FAM227B: variants seen among roughly 807,000 people sequenced by gnomAD.
The protein encoded by FAM227B is family with sequence similarity 227 member B, also known as protein FAM227B.
Under a neutral mutation model 73.8 loss-of-function variants are expected in FAM227B, and 88 were observed. That is an observed-to-expected ratio of 1.19 (90% CI 1.00 to 1.42). The LOEUF (loss-of-function observed/expected upper bound fraction) is 1.42. Among genes scored for constraint, FAM227B ranks in the 40% most tolerant of loss-of-function variants. The pLI is 0.00. For synonymous variants in FAM227B, 210 were observed against 190.5 expected, an observed-to-expected ratio of 1.10 and a Z score of -0.84; for missense variants, 632 against 590.9, an observed-to-expected ratio of 1.07 and a Z score of -0.72.
chr15:49,369,051 C>A (rs1051512574), intron 12 of FAM227B, among the ~76,000 whole-genome samples: 1 of 152,118 alleles, frequency 6.6e-6, no homozygotes, highest in Non-Finnish European at 1.5e-5. Context: ...CTCTGCCTCC[C>A]GGGTTCACGC....
chr15:49,555,111 C>A (rs2073506326), intron 9 of FAM227B, among the ~76,000 whole-genome samples: 1 of 152,170 alleles, frequency 6.6e-6, no homozygotes, highest in Non-Finnish European at 1.5e-5. Context: ...AGATTTAATG[C>A]AGTCATTGTG....
chr15:49,363,408 G>C (rs771738965), intron 13 of FAM227B, among the ~76,000 whole-genome samples: 12 of 152,102 alleles, frequency 7.9e-5, no homozygotes, highest in Non-Finnish European at 1.6e-4. Flanking sequence ...TTGCAGACTT[G>C]ATTTGATTCT....
chr15:49,536,468 G>A (rs532509109), intron 10 of FAM227B, among the ~76,000 whole-genome samples: 29 of 151,692 alleles, frequency 1.9e-4, no homozygotes, highest in Non-Finnish European at 4.0e-4. Flanking sequence ...GAATCAATAT[G>A]GTTAATATGT....
chr15:49,327,903 C>G lies in FAM227B; in HGVS notation c.*665G>C, dbSNP rs1232945955. The stretch of plus-strand genomic sequence containing the variant: ...TGTTCTACAAACACCAAGCAAATCC[C>G]TTGTATTTTCATTTATAGGTTCTAA... On this transcript the variant is annotated 3_prime_UTR_variant, in exon 16 of 16. Coordinates refer to ENST00000299338, the MANE Select transcript of FAM227B (RefSeq NM_152647.3). The G allele has an allele frequency of 1.3e-6, 2 of 1,557,680 alleles. No individual in the cohort carries two copies. Among genetic ancestry groups the G allele is most frequent in the Non-Finnish European group, 1.7e-6 (2 of 1,143,772 alleles).
intron 13 of FAM227B, among the ~76,000 whole-genome samples, chr15:49,359,001 TTAATAAA>T (rs2043695173): frequency 6.6e-6 from 1 of 151,748 alleles, no homozygotes; most frequent in Admixed American, 6.6e-5. Context: ...GATTCCCTAT[TTAATAAA>T]TGGTGCTGGG....
chr15:49,618,119 G>A (rs1249765551), intron 1 of FAM227B, among the ~76,000 whole-genome samples: 1 of 152,054 alleles, frequency 6.6e-6, no homozygotes, highest in Non-Finnish European at 1.5e-5. Context: ...AGTTCCTTTT[G>A]CCATATAAAA....
chr15:49,542,863 C>A (rs1344192729), intron 9 of FAM227B, among the ~76,000 whole-genome samples: 1 of 151,542 alleles, frequency 6.6e-6, no homozygotes, highest in African/African-American at 2.4e-5. Flanking sequence ...ATAAACATTT[C>A]TTTTTGTATA....
intron 10 of FAM227B, among the ~76,000 whole-genome samples, chr15:49,536,214 G>A (rs1470057743): frequency 6.6e-6 from 1 of 151,720 alleles, no homozygotes; most frequent in Non-Finnish European, 1.5e-5. Context: ...GAACTGATAA[G>A]TGATTTCTGC....
intron 5 of FAM227B, among the ~76,000 whole-genome samples, chr15:49,584,011 AT>A (rs1439527168): frequency 6.6e-6 from 1 of 152,188 alleles, no homozygotes; most frequent in African/African-American, 2.4e-5. Flanking sequence ...AACTCATTCT[AT>A]GAGGCCAGCA....
At chr15:49,578,843 A>G (rs909010150) in intron 5 of FAM227B, among the ~76,000 whole-genome samples, 3 of 152,220 alleles carry the variant, frequency 2.0e-5, no homozygotes, top group Admixed American at 2.0e-4. Context: ...ACAGCAAAGG[A>G]AACAATTAAC....
At chr15:49,377,953 G>A (rs1372383972) in intron 11 of FAM227B, among the ~76,000 whole-genome samples, 2 of 152,090 alleles carry the variant, frequency 1.3e-5, no homozygotes, top group South Asian at 2.1e-4. Context: ...GTCCTGGAGA[G>A]TTTCCCTGAT....
At position 49,426,557 on chromosome 15, in the gene FAM227B, TTTTG is replaced by T. The variant is rs375049919; in HGVS notation, c.1013-55162_1013-55159del. On this transcript the variant is annotated intron_variant, in intron 11 of 15. Transcript: ENST00000299338. Reference sequence around the variant, plus strand: ...AATACATTTGCATATGTAAATTTTATTTTGTTTGTGTTAAAATTTCTTGAAACAA... The same window carrying T: ...AATACATTTGCATATGTAAATTTTATTTTGTGTTAAAATTTCTTGAAACAA... Among the ~76,000 whole-genome samples the T allele has an allele frequency of 4.2e-3, 632 of 152,074 alleles. 8 individuals are homozygous for T. The highest frequency in any genetic ancestry group is 0.015 in the African/African-American group (603 of 41,544).
chr15:49,365,969 A>G (rs75624651), intron 13 of FAM227B: 18,949 of 852,150 alleles, frequency 0.022, 837 homozygotes, highest in African/African-American at 0.12. Context: ...TTGTGGAAGA[A>G]ATAAAGTAAG....
chr15:49,497,164 G>T (rs2057691947), intron 11 of FAM227B, among the ~76,000 whole-genome samples: 1 of 152,148 alleles, frequency 6.6e-6, no homozygotes, highest in Non-Finnish European at 1.5e-5. Context: ...AGCTCAGAGG[G>T]GTTGTATGAC....
chr15:49,386,490 A>G (rs1299233681), intron 11 of FAM227B, among the ~76,000 whole-genome samples: 3 of 151,918 alleles, frequency 2.0e-5, no homozygotes, highest in Non-Finnish European at 4.4e-5. Flanking sequence ...AACCTCTGGA[A>G]TACAGCAAAA....
intron 13 of FAM227B, among the ~76,000 whole-genome samples, chr15:49,351,708 C>G (rs2042272217): frequency 6.6e-6 from 1 of 152,076 alleles, no homozygotes; most frequent in African/African-American, 2.4e-5. Flanking sequence ...ATTGGACAGA[C>G]AGAAAAGTTG....
At chr15:49,454,736 A>G (rs1188964341) in intron 11 of FAM227B, among the ~76,000 whole-genome samples, 3 of 152,076 alleles carry the variant, frequency 2.0e-5, no homozygotes, top group Non-Finnish European at 4.4e-5. Context: ...CAGCCTCTCA[A>G]GTAGCTGGGA....
chr15:49,525,345 T>G (rs2060084549), intron 10 of FAM227B, among the ~76,000 whole-genome samples: 1 of 152,034 alleles, frequency 6.6e-6, no homozygotes, highest in African/African-American at 2.4e-5. Flanking sequence ...ATGTAAGACA[T>G]GACTTGTTCC....
intron 3 of FAM227B, among the ~76,000 whole-genome samples, chr15:49,594,339 C>T (rs534468492): frequency 2.0e-5 from 3 of 152,036 alleles, no homozygotes; most frequent in Non-Finnish European, 4.4e-5. Context: ...TTGTCCAATG[C>T]ACAGTTTACA....
Sources: allele counts gnomAD v4.1 joint callset (sites outside exome capture counted in the v4.1 genomes callset), GRCh38; gene constraint gnomAD v4.1.1; transcripts MANE v1.5; gene names NCBI Gene and HGNC (gene_info 2026-07-23, HGNC 2026-07-21).